Variants in KIAA1549L observed in about 807,000 individuals in gnomAD.
The protein encoded by KIAA1549L is UPF0606 protein KIAA1549L.
KIAA1549L carries 88 observed loss-of-function variants against 160.7 expected under a neutral mutation model. The observed-to-expected ratio is 0.55, with a 90% CI of 0.46 to 0.65. The LOEUF is 0.65. KIAA1549L is among the 30% of genes least tolerant of loss of function. The pLI, the probability that KIAA1549L is intolerant of heterozygous loss-of-function variation, is 0.00. For synonymous variants in KIAA1549L, 950 were observed against 976.7 expected, an observed-to-expected ratio of 0.97 and a Z score of 0.51; for missense variants, 2,258 against 2,437.5, an observed-to-expected ratio of 0.93 and a Z score of 1.55.
At chr11:33,479,360 G>T (rs2133044232) in intron 1 of KIAA1549L, among the ~76,000 whole-genome samples, 1 of 152,338 alleles carries the variant, frequency 6.6e-6, no homozygotes, top group South Asian at 2.1e-4. Context: ...AGAAAAGCCA[G>T]AATGTGAAAT....
At chr11:33,572,843 T>G (rs577312632) in intron 9 of KIAA1549L, among the ~76,000 whole-genome samples, 4 of 152,360 alleles carry the variant, frequency 2.6e-5, no homozygotes, top group African/African-American at 9.6e-5. Context: ...TTCTTAGGGT[T>G]GGTGTACATT....
In KIAA1549L at chr11:33,658,914, G is replaced by C. The variant is rs1048726101; in HGVS notation, c.6007+16G>C. 13 of 1,531,748 alleles carry C rather than the reference G, an allele frequency of 8.5e-6. No homozygotes were observed. Among genetic ancestry groups the C allele is most frequent in the Middle Eastern group, 3.4e-4 (2 of 5,928 alleles). The allele number at this position is 1,531,748 out of a possible 1,614,324, so 94.9% of individuals were successfully genotyped here. ...AATTACTCAGGTGGGCAAGAGAAAA[G>C]CCCGAGTGTGCCCCCCACCACTGCT... On this transcript the variant is annotated intron_variant, in intron 19 of 20. Coordinates refer to ENST00000658780, the MANE Select transcript of KIAA1549L (RefSeq NM_012194.3).
At chr11:33,473,023 G>T (rs1852212378) in intron 1 of KIAA1549L, among the ~76,000 whole-genome samples, 3 of 152,208 alleles carry the variant, frequency 2.0e-5, no homozygotes, top group South Asian at 2.1e-4. Context: ...CCCAGTGCAG[G>T]GTCTCAAATA....
intron 18 of KIAA1549L, 140 bp downstream of exon 18, chr11:33,656,249 C>T (rs760969432): frequency 2.3e-5 from 15 of 648,770 alleles, no homozygotes; most frequent in East Asian, 1.9e-4. Flanking sequence ...GACAACCATG[C>T]GCCTGTGGCA....
At chr11:33,437,622 G>C (rs1030876227) in intron 1 of KIAA1549L, among the ~76,000 whole-genome samples, 1 of 152,236 alleles carries the variant, frequency 6.6e-6, no homozygotes, top group Non-Finnish European at 1.5e-5. Context: ...TGCATGGAAT[G>C]TATATAGCAA....
At chr11:33,425,485 G>T (rs953818023) in intron 1 of KIAA1549L, among the ~76,000 whole-genome samples, 2 of 152,118 alleles carry the variant, frequency 1.3e-5, no homozygotes, top group African/African-American at 4.8e-5. Context: ...AGAAGCCCTG[G>T]GCTCATAAGA....
chr11:33,403,296 C>CACACAG (rs1565121799), intron 1 of KIAA1549L: 12 of 82,938 alleles, frequency 1.4e-4, no homozygotes, highest in Non-Finnish European at 2.4e-4. Flanking sequence ...CACACACACA[C>CACACAG]ACACGCATAC....
intron 6 of KIAA1549L, among the ~76,000 whole-genome samples, chr11:33,558,047 C>T (rs1011856513): frequency 2.0e-5 from 3 of 152,206 alleles, no homozygotes; most frequent in African/African-American, 4.8e-5. Context: ...GATCATTACA[C>T]ATTCTATGCG....
At chr11:33,527,960 GC>G (rs1017197541) in intron 1 of KIAA1549L, among the ~76,000 whole-genome samples, 1 of 152,142 alleles carries the variant, frequency 6.6e-6, no homozygotes, top group African/African-American at 2.4e-5. Context: ...CCTTTCCTGT[GC>G]TGTTCTCATG....
At chr11:33,622,328 A>G (rs1204516249) in intron 16 of KIAA1549L, among the ~76,000 whole-genome samples, 2 of 152,204 alleles carry the variant, frequency 1.3e-5, no homozygotes, top group East Asian at 3.9e-4. Flanking sequence ...GGTTGAAGGA[A>G]TGTTCCTGGA....
chr11:33,384,943 T>A (rs941666571), intron 1 of KIAA1549L, among the ~76,000 whole-genome samples: 18 of 150,432 alleles, frequency 1.2e-4, no homozygotes, highest in African/African-American at 4.2e-4. Context: ...TTTTGTTTTT[T>A]GTTTTTTTTT....
intron 1 of KIAA1549L, among the ~76,000 whole-genome samples, chr11:33,533,911 A>AT (rs1249025599): frequency 6.6e-6 from 1 of 152,132 alleles, no homozygotes; most frequent in East Asian, 1.9e-4. Flanking sequence ...TTCCAGCAAA[A>AT]TTCTTTAGAC....
chr11:33,577,986 TA>T (rs1181012133), intron 10 of KIAA1549L, among the ~76,000 whole-genome samples: 2 of 152,190 alleles, frequency 1.3e-5, no homozygotes, highest in Non-Finnish European at 2.9e-5. Flanking sequence ...TCACTGTCTA[TA>T]GTCTTATTCT....
intron 6 of KIAA1549L, 54 bp downstream of exon 6, chr11:33,552,295 G>C (rs1013169330): frequency 1.3e-6 from 2 of 1,557,402 alleles, no homozygotes. Flanking sequence ...ACAATGCAGA[G>C]TCTGGCAAGA....
chr11:33,391,403 A>T (rs983574022), intron 1 of KIAA1549L, among the ~76,000 whole-genome samples: 3 of 152,132 alleles, frequency 2.0e-5, no homozygotes, highest in African/African-American at 7.2e-5. Flanking sequence ...ACCCTAGTAG[A>T]TGTCTTTTAG....
At chr11:33,627,739 C>T (rs1324063773) in intron 16 of KIAA1549L, among the ~76,000 whole-genome samples, 1 of 152,018 alleles carries the variant, frequency 6.6e-6, no homozygotes, top group Non-Finnish European at 1.5e-5. Context: ...AAAACCAGCT[C>T]CTGGATTCAT....
At chr11:33,539,243 T>C (rs1255586543) in intron 1 of KIAA1549L, among the ~76,000 whole-genome samples, 2 of 152,224 alleles carry the variant, frequency 1.3e-5, no homozygotes, top group Non-Finnish European at 2.9e-5. Context: ...GTTTGAGAAA[T>C]ATTGGCTAAA....
rs1248794006 is a variant in KIAA1549L, at chr11:33,405,537, C to T, written c.238+28648C>T. On this transcript the variant is annotated intron_variant, in intron 1 of 20. Coordinates refer to ENST00000658780, the MANE Select transcript of KIAA1549L (RefSeq NM_012194.3). ...TTTTTTTTTTTTTTTTAACATAATACACTGCTTCTAAAGAATCAAAAGCTG... is the reference window on the plus strand; with the variant it reads ...TTTTTTTTTTTTTTTTAACATAATATACTGCTTCTAAAGAATCAAAAGCTG... Among the ~76,000 whole-genome samples, 4 of 135,168 alleles carry T rather than the reference C, an allele frequency of 3.0e-5. No individual in the cohort carries two copies. In the East Asian group the frequency reaches 8.4e-4, roughly 29 times the overall value. 88.7% of individuals were successfully genotyped at this position (135,168 alleles called of 152,430 possible). A position where few individuals can be genotyped will look rare whatever the true frequency, so the allele number is the denominator to read the frequency against.
chr11:33,378,678 C>T (rs946529514), intron 1 of KIAA1549L, among the ~76,000 whole-genome samples: 5 of 152,176 alleles, frequency 3.3e-5, no homozygotes, highest in Non-Finnish European at 7.3e-5. Flanking sequence ...CTGCTGTCCC[C>T]CTTTATGACC....
Sources: gnomAD v4.1 joint callset for allele counts (sites outside exome capture counted in the v4.1 genomes callset) on GRCh38, gnomAD v4.1.1 for gene constraint, MANE v1.5 for transcripts, NCBI Gene and HGNC (gene_info 2026-07-23, HGNC 2026-07-21) for gene names.